TAFA1: variants seen among roughly 807,000 people sequenced by gnomAD.
TAFA1 encodes TAFA chemokine like family member 1, also known as chemokine-like protein TAFA-1.
A neutral mutation model predicts 18.5 loss-of-function variants in TAFA1; 4 were observed. That is an observed-to-expected ratio of 0.22 (90% CI 0.11 to 0.49). TAFA1 has a LOEUF of 0.49. Ranked by LOEUF, TAFA1 falls within the 20% of genes least tolerant of loss-of-function variation. TAFA1 has a pLI of 0.98. For missense variants in TAFA1, 147 were observed against 169.0 expected (o/e 0.87, Z 0.72); for synonymous variants, 56 against 55.2 (o/e 1.01, Z -0.06).
At chr3:68,476,969 G>C (rs899809085) in intron 3 of TAFA1, among the ~76,000 whole-genome samples, 3 of 152,112 alleles carry the variant, frequency 2.0e-5, no homozygotes, top group African/African-American at 7.2e-5. Context: ...CATGTATCCA[G>C]CACTCAGATG....
intron 2 of TAFA1, among the ~76,000 whole-genome samples, chr3:68,051,501 G>C (rs1200060568): frequency 6.6e-6 from 1 of 152,040 alleles, no homozygotes; most frequent in African/African-American, 2.4e-5. Context: ...GGAAGAGTGG[G>C]CTACTGGCAT....
intron 2 of TAFA1, among the ~76,000 whole-genome samples, chr3:68,144,375 G>A (rs745406307): frequency 1.1e-4 from 17 of 152,282 alleles, no homozygotes; most frequent in Admixed American, 2.6e-4. Flanking sequence ...GCATTTGAAT[G>A]TTTTAAGACC....
At chr3:68,404,456 G>T (rs1466967201) in intron 2 of TAFA1, among the ~76,000 whole-genome samples, 1 of 152,164 alleles carries the variant, frequency 6.6e-6, no homozygotes, top group Non-Finnish European at 1.5e-5. Context: ...ATAGATGAAA[G>T]TAAAATCTAA....
Position 68,123,755 on chromosome 3 carries a change from A to T in TAFA1, c.118+117011A>T, listed in dbSNP as rs1045211572. 3.3e-5 allele frequency among the ~76,000 whole-genome samples: 5 copies of T among 152,042 alleles called. No individual in the cohort carries two copies. The South Asian group carries it at 1.0e-3, about 32-fold the overall frequency. ...TTGTTCACCTGAAATTTGGTTTCAG[A>T]TTGAATAATAAACTGGTTATTTGTC... is the stretch of plus-strand genomic sequence containing the variant. On this transcript the variant is annotated intron_variant, in intron 2 of 4. Transcript: ENST00000478136.
chr3:68,136,182 A>G (rs2065604195), intron 2 of TAFA1, among the ~76,000 whole-genome samples: 1 of 152,202 alleles, frequency 6.6e-6, no homozygotes, highest in South Asian at 2.1e-4. Flanking sequence ...AACACATGAT[A>G]GACCTATATT....
At chr3:68,410,658 T>G (rs979891717) in intron 2 of TAFA1, among the ~76,000 whole-genome samples, 1 of 117,908 alleles carries the variant, frequency 8.5e-6, no homozygotes, top group Non-Finnish European at 1.6e-5. Flanking sequence ...GTTTTTTAGA[T>G]CTACAGATCC....
At chr3:68,089,921 G>T (rs193106300) in intron 2 of TAFA1, among the ~76,000 whole-genome samples, 423 of 152,272 alleles carry the variant, frequency 2.8e-3, no homozygotes, top group African/African-American at 9.1e-3. Context: ...GCTATTATAC[G>T]TGTGATCTCT....
chr3:68,063,934 G>A (rs1031384353), intron 2 of TAFA1, among the ~76,000 whole-genome samples: 1 of 152,092 alleles, frequency 6.6e-6, no homozygotes, highest in African/African-American at 2.4e-5. Flanking sequence ...TGCCAGAATT[G>A]CTTTTCTTTC....
chr3:68,466,783 T>G (rs929426672), intron 3 of TAFA1, among the ~76,000 whole-genome samples: 3 of 152,202 alleles, frequency 2.0e-5, no homozygotes, highest in African/African-American at 7.2e-5. Context: ...CCCTGATATT[T>G]CAACGTAGGT....
At chr3:68,192,097 G>T (rs914403881) in intron 2 of TAFA1, among the ~76,000 whole-genome samples, 1 of 151,636 alleles carries the variant, frequency 6.6e-6, no homozygotes, top group Non-Finnish European at 1.5e-5. Context: ...TGTCTTTTCA[G>T]CTATAAGAGC....
chr3:68,497,880 T>G (rs991316163), intron 3 of TAFA1, among the ~76,000 whole-genome samples: 4 of 152,068 alleles, frequency 2.6e-5, no homozygotes, highest in Non-Finnish European at 5.9e-5. Flanking sequence ...CCCTTGGGAG[T>G]GATGGCATGG....
intron 3 of TAFA1, among the ~76,000 whole-genome samples, chr3:68,438,176 G>A (rs1477009627): frequency 1.3e-5 from 2 of 151,976 alleles, no homozygotes; most frequent in South Asian, 2.1e-4. Context: ...CTGAGCAACA[G>A]ACAAAACCCT....
intron 2 of TAFA1, among the ~76,000 whole-genome samples, chr3:68,095,621 C>T (rs1474055108): frequency 6.6e-6 from 1 of 152,036 alleles, no homozygotes. Context: ...AAGACATGGT[C>T]CTCACCCTTA....
chr3:68,095,052 C>T (rs1369888157), intron 2 of TAFA1, among the ~76,000 whole-genome samples: 6 of 152,120 alleles, frequency 3.9e-5, no homozygotes, highest in African/African-American at 1.4e-4. Context: ...CTCTCAGAGG[C>T]CCTTAAGTGG....
At chr3:68,488,508 G>A (rs1368075618) in intron 3 of TAFA1, among the ~76,000 whole-genome samples, 1 of 152,124 alleles carries the variant, frequency 6.6e-6, no homozygotes, top group Non-Finnish European at 1.5e-5. Context: ...CCATCACAGT[G>A]TACAAAAAGC....
chr3:68,259,785 T>G (rs1262577502), intron 2 of TAFA1, among the ~76,000 whole-genome samples: 1 of 152,066 alleles, frequency 6.6e-6, no homozygotes, highest in Non-Finnish European at 1.5e-5. Flanking sequence ...GTACATTGAT[T>G]TTGTATCCTG....
At chr3:68,284,142 T>G (rs1055955585) in intron 2 of TAFA1, among the ~76,000 whole-genome samples, 2 of 152,166 alleles carry the variant, frequency 1.3e-5, no homozygotes, top group African/African-American at 4.8e-5. Context: ...TCTTTCTGTG[T>G]TTTTCGTCCC....
chr3:68,476,247 A>G (rs1295942416), intron 3 of TAFA1, among the ~76,000 whole-genome samples: 1 of 152,214 alleles, frequency 6.6e-6, no homozygotes, highest in African/African-American at 2.4e-5. Flanking sequence ...ACAGAATGGG[A>G]GAAAATTTTT....
At chr3:68,429,838 A>G (rs1297934768) in intron 3 of TAFA1, among the ~76,000 whole-genome samples, 3 of 151,938 alleles carry the variant, frequency 2.0e-5, no homozygotes, top group Non-Finnish European at 1.5e-5. Context: ...TGCCTAAGTT[A>G]ATAATGCCCA....
Sources: gnomAD v4.1 joint callset for allele counts (sites outside exome capture counted in the v4.1 genomes callset) on GRCh38, gnomAD v4.1.1 for gene constraint, MANE v1.5 for transcripts, NCBI Gene and HGNC (gene_info 2026-07-23, HGNC 2026-07-21) for gene names.